CEP162: variants seen among roughly 807,000 people sequenced by gnomAD.
CEP162 encodes the protein centrosomal protein of 162 kDa.
Under a neutral mutation model 169.2 loss-of-function variants are expected in CEP162, and 141 were observed. The observed-to-expected ratio is 0.83, with a 90% CI of 0.73 to 0.96. The LOEUF is 0.96. Among genes scored for constraint, CEP162 ranks in the 40% least tolerant of loss-of-function variants. CEP162 has a pLI of 0.00. For missense variants in CEP162, 1,600 were observed against 1,587.2 expected (o/e 1.01, Z -0.14); for synonymous variants, 540 against 526.4 (o/e 1.03, Z -0.35).
intron 18 of CEP162, 38 bp from the exon 19 acceptor site, chr6:84,163,308 C>T (rs1398794778): frequency 2.0e-6 from 3 of 1,463,522 alleles, no homozygotes; most frequent in Non-Finnish European, 2.8e-6. Flanking sequence ...AAGTTTTTTA[C>T]AACCACAATA....
At chr6:84,185,872 T>C (rs1033095536) in intron 12 of CEP162, among the ~76,000 whole-genome samples, 3 of 152,026 alleles carry the variant, frequency 2.0e-5, no homozygotes, top group Non-Finnish European at 4.4e-5. Flanking sequence ...AAAATACAAG[T>C]AGAATGTCTG....
intron 1 of CEP162, 30 bp from the exon 2 acceptor site, chr6:84,226,482 G>T: frequency 3.2e-6 from 3 of 949,270 alleles, no homozygotes; most frequent in Non-Finnish European, 4.9e-6. Flanking sequence ...AACATCTTTT[G>T]AGGAAATCCA....
chr6:84,227,196 A>C (rs946559593), intron 1 of CEP162, among the ~76,000 whole-genome samples: 1 of 152,190 alleles, frequency 6.6e-6, no homozygotes, highest in African/African-American at 2.4e-5. Flanking sequence ...TCCCTAGAGC[A>C]GCTCAAATCC....
At chr6:84,182,302 T>G (rs902750679) in intron 13 of CEP162, among the ~76,000 whole-genome samples, 41 of 152,212 alleles carry the variant, frequency 2.7e-4, no homozygotes, top group African/African-American at 9.6e-4. Context: ...TTTTAAATAA[T>G]AAGCATATAT....
chr6:84,151,621 G>GAGAA (rs1481790095), intron 23 of CEP162, among the ~76,000 whole-genome samples: 1 of 152,122 alleles, frequency 6.6e-6, no homozygotes, highest in Non-Finnish European at 1.5e-5. Flanking sequence ...TTTAGCAACA[G>GAGAA]AGAAAGAACA....
chr6:84,221,460 G>T (rs1446631828), intron 2 of CEP162, among the ~76,000 whole-genome samples: 1 of 152,150 alleles, frequency 6.6e-6, no homozygotes. Flanking sequence ...GAAAAAACGG[G>T]AGGATACAGT....
At chr6:84,165,383 A>C (rs570255555) in intron 18 of CEP162, among the ~76,000 whole-genome samples, 5 of 152,074 alleles carry the variant, frequency 3.3e-5, no homozygotes, top group Non-Finnish European at 7.4e-5. Flanking sequence ...TCAGAGGTCA[A>C]AGTGTTGTGC....
chr6:84,152,454 AAACT>A (rs1229530572), intron 23 of CEP162, 87 bp downstream of exon 23: 5 of 669,864 alleles, frequency 7.5e-6, no homozygotes, highest in Middle Eastern at 4.4e-4. Context: ...GTTCGGGGTC[AAACT>A]AATTATCTGG....
chr6:84,178,391 T>C (rs1220334373), intron 13 of CEP162, among the ~76,000 whole-genome samples: 1 of 152,192 alleles, frequency 6.6e-6, no homozygotes, highest in East Asian at 1.9e-4. Context: ...CAAGATTGAA[T>C]AGGAGTTCAT....
chr6:84,171,527 A>G (rs1270794270), intron 17 of CEP162, 79 bp downstream of exon 17: 2 of 507,174 alleles, frequency 3.9e-6, no homozygotes, highest in Non-Finnish European at 6.6e-6. Flanking sequence ...AAGTAAAAAT[A>G]AATGTATTAT....
chr6:84,204,191 A>G (rs2099545809), intron 6 of CEP162, 95 bp from the exon 7 acceptor site: 1 of 671,008 alleles, frequency 1.5e-6, no homozygotes, highest in South Asian at 2.0e-5. Flanking sequence ...AGAAGTCTGT[A>G]TAAGAATAGT....
Position 84,132,537 on chromosome 6 carries a change from C to T in CEP162, c.3871-6025G>A, listed in dbSNP as rs556596207. Among the ~76,000 whole-genome samples the T allele has an allele frequency of 6.3e-3, 962 of 152,244 alleles. 7 individuals carry two copies. Among genetic ancestry groups the T allele is most frequent in the African/African-American group, 0.021 (889 of 41,530 alleles). On this transcript the variant is annotated intron_variant, in intron 25 of 26. Coordinates refer to ENST00000403245, the MANE Select transcript of CEP162 (RefSeq NM_014895.4). Reference sequence around the variant, plus strand: ...TCCCATATTTCTTGGAGGCTTTGTTCATTTCTTTTTACTCTTTTTTCTCTA... The same window carrying T: ...TCCCATATTTCTTGGAGGCTTTGTTTATTTCTTTTTACTCTTTTTTCTCTA...
chr6:84,166,303 C>T (rs2099527809), intron 18 of CEP162, among the ~76,000 whole-genome samples: 1 of 152,156 alleles, frequency 6.6e-6, no homozygotes, highest in African/African-American at 2.4e-5. Flanking sequence ...TTTGCATTTG[C>T]TCTTCCCTCT....
Position 84,201,749 on chromosome 6 carries a change from T to C in CEP162, c.706A>G (p.Met236Val), listed in dbSNP as rs1472752253. Residue 236 changes from methionine (M) to valine (V), a missense_variant, in exon 8 of 27, where the codon ATG (methionine) becomes GTG (valine). By Grantham distance (21) the Met-to-Val change is conservative. Transcript: ENST00000403245. ...VPKQEEEKTG[M>V]LANVVLLDSL... ...AAATAATATTTACCATTAGCAAGCATGCCAGTTTTTTCTTCTTCCTAAATT... is the reference window on the plus strand; with the variant it reads ...AAATAATATTTACCATTAGCAAGCACGCCAGTTTTTTCTTCTTCCTAAATT... 4 of 1,344,938 alleles carry C rather than the reference T, an allele frequency of 3.0e-6. No homozygotes were observed. The highest frequency in any genetic ancestry group is 1.8e-4 in the Middle Eastern group (1 of 5,538). The allele number at this position is 1,344,938 out of a possible 1,614,324, so 83.3% of individuals were successfully genotyped here. A position where few individuals can be genotyped will look rare whatever the true frequency, so the allele number is the denominator to read the frequency against.
chr6:84,152,855 T>G lies in CEP162; in HGVS notation c.3319A>C (p.Thr1107Pro), dbSNP rs751653759. The G allele has an allele frequency of 6.2e-7, 1 of 1,613,674 alleles. No individual in the cohort carries two copies. Among genetic ancestry groups the G allele is most frequent in the Non-Finnish European group, 8.5e-7 (1 of 1,179,766 alleles). ...KKREIQDLSK[T>P]VERLQKDRRM... The stretch of plus-strand genomic sequence containing the variant: ...CTGTCTTTCTGAAGCCTCTCCACAG[T>G]TTTTGAGAGGTCTTGTATTTCTCTC... Residue 1107 changes from threonine (T) to proline (P), a missense_variant, in exon 23 of 27, where the codon ACT (threonine) becomes CCT (proline). Thr to Pro is a conservative substitution (Grantham distance 38, BLOSUM62 -1). Transcript: ENST00000403245.
rs1002156499 is a variant in CEP162 at position 84,136,423 on chromosome 6, T to C, written c.3871-9911A>G. Among the ~76,000 whole-genome samples the C allele has an allele frequency of 5.9e-5, 9 of 152,310 alleles. No individual in the cohort carries two copies. In the South Asian group the frequency reaches 1.0e-3, roughly 18 times the overall value. The stretch of plus-strand genomic sequence containing the variant: ...GAGAGGGAATGAGAACCACTGAACT[T>C]ATTCTTCTATCATGAGCCCACTCCT... On this transcript the variant is annotated intron_variant, in intron 25 of 26. Transcript: ENST00000403245.
At chr6:84,217,947 A>G (rs964249921) in intron 3 of CEP162, 1 of 152,232 alleles carries the variant, frequency 6.6e-6, no homozygotes, top group Non-Finnish European at 1.5e-5. Context: ...AGCAATGAAC[A>G]ATAACCTACT....
rs543260836 is a variant in CEP162 at position 84,223,171 on chromosome 6, CATTA to C, written c.58-2004_58-2001del. Among the ~76,000 whole-genome samples the C allele has an allele frequency of 3.8e-4, 58 of 152,324 alleles. 1 individual carries two copies. The South Asian group carries it at 0.01, about 27-fold the overall frequency. ...CTTCCACAGTGCTTCCCAGCACTTT[CATTA>C]ATTATTTTTAATGAATATGATTCAT... On this transcript the variant is annotated intron_variant, in intron 2 of 26. Coordinates refer to ENST00000403245, the MANE Select transcript of CEP162 (RefSeq NM_014895.4).
Position 84,186,468 on chromosome 6 carries a change from C to T in CEP162, c.1265G>A (p.Ser422Asn). Reference protein sequence around the residue: ...NVILQKTTNESMENSCPQVTE... With the variant: ...NVILQKTTNENMENSCPQVTE... ...TACTTGTGGACAGCTGTTTTCCATA[C>T]TCTCATTTGTGGTCTTTTGTAAAAT... is the stretch of plus-strand genomic sequence containing the variant. The change falls in exon 12 of 27, where the codon AGT becomes AAT. Residue 422 changes from serine to asparagine, a missense_variant. Ser to Asn is a conservative substitution (Grantham distance 46). Transcript: ENST00000403245. The T allele has an allele frequency of 6.2e-7, 1 of 1,613,158 alleles. No individual in the cohort carries two copies. Among genetic ancestry groups the T allele is most frequent in the Non-Finnish European group, 8.5e-7 (1 of 1,179,388 alleles).
Sources: allele counts gnomAD v4.1 joint callset (sites outside exome capture counted in the v4.1 genomes callset), GRCh38; gene constraint gnomAD v4.1.1; transcripts MANE v1.5; gene names NCBI Gene and HGNC (gene_info 2026-07-23, HGNC 2026-07-21).